Variants in CPQ observed in about 807,000 individuals in gnomAD.
CPQ encodes carboxypeptidase Q, also known as Ser-Met dipeptidase.
In CPQ, 37 loss-of-function variants were observed where a neutral mutation model predicts 45.7. The observed-to-expected ratio is 0.81, with a 90% CI of 0.62 to 1.07. CPQ has a LOEUF of 1.07. Ranked by LOEUF, CPQ falls within the 50% of genes least tolerant of loss-of-function variation. CPQ has a pLI of 0.00. For synonymous variants in CPQ, 186 were observed against 205.8 expected (o/e 0.90, Z 0.82); for missense variants, 537 against 572.9 (o/e 0.94, Z 0.64).
intron 2 of CPQ, among the ~76,000 whole-genome samples, chr8:96,825,007 C>T (rs2130840675): frequency 6.6e-6 from 1 of 152,074 alleles, no homozygotes; most frequent in South Asian, 2.1e-4. Flanking sequence ...TTATTTGGTA[C>T]CCAGGATCCA....
chr8:96,907,943 A>T (rs1240511246), intron 4 of CPQ, among the ~76,000 whole-genome samples: 1 of 152,128 alleles, frequency 6.6e-6, no homozygotes, highest in Non-Finnish European at 1.5e-5. Context: ...GACTTTTGTC[A>T]TATAATTGGA....
chr8:97,083,526 T>C (rs1431597973), intron 7 of CPQ, among the ~76,000 whole-genome samples: 2 of 152,186 alleles, frequency 1.3e-5, no homozygotes, highest in Non-Finnish European at 2.9e-5. Context: ...TGTAACATGG[T>C]ACAACACTGC....
intron 3 of CPQ, among the ~76,000 whole-genome samples, chr8:96,862,284 TTG>T (rs34611818): frequency 0.41 from 57,857 of 140,800 alleles, 11,385 homozygotes; most frequent in Admixed American, 0.46. Context: ...ATTTTTGCAT[TTG>T]TGTGTGTGTG....
At chr8:96,672,231 C>G (rs924785839) in intron 1 of CPQ, among the ~76,000 whole-genome samples, 1 of 152,094 alleles carries the variant, frequency 6.6e-6, no homozygotes, top group Non-Finnish European at 1.5e-5. Flanking sequence ...CCCATTGTAC[C>G]ACTCCAAAAC....
intron 7 of CPQ, among the ~76,000 whole-genome samples, chr8:97,085,674 A>G (rs1811029386): frequency 6.6e-6 from 1 of 152,186 alleles, no homozygotes; most frequent in Non-Finnish European, 1.5e-5. Flanking sequence ...CATTTAAAAG[A>G]TAGGTACTGC....
intron 2 of CPQ, among the ~76,000 whole-genome samples, chr8:96,786,543 A>G (rs1810771041): frequency 6.6e-6 from 1 of 152,184 alleles, no homozygotes; most frequent in African/African-American, 2.4e-5. Context: ...GGCATATACC[A>G]AGAAGTAGAA....
chr8:96,833,974 T>C (rs1467764077), intron 2 of CPQ, among the ~76,000 whole-genome samples: 2 of 152,226 alleles, frequency 1.3e-5, no homozygotes, highest in Admixed American at 6.5e-5. Flanking sequence ...TATGGAAATA[T>C]ATGTTGATAC....
At chr8:96,961,715 A>G (rs970066090) in intron 4 of CPQ, among the ~76,000 whole-genome samples, 2 of 152,226 alleles carry the variant, frequency 1.3e-5, no homozygotes, top group Non-Finnish European at 2.9e-5. Context: ...AATTAAGGCT[A>G]GAATATTTGC....
intron 7 of CPQ, among the ~76,000 whole-genome samples, chr8:97,100,852 T>C (rs1181894244): frequency 6.6e-6 from 1 of 152,158 alleles, no homozygotes; most frequent in African/African-American, 2.4e-5. Flanking sequence ...AATCTAGTGA[T>C]TGATTGTTTA....
intron 1 of CPQ, among the ~76,000 whole-genome samples, chr8:96,645,657 T>C (rs1281756819): frequency 6.7e-6 from 1 of 150,336 alleles, no homozygotes; most frequent in Non-Finnish European, 1.5e-5. Context: ...GACGTGGGGG[T>C]GGTGGAGGGT....
intron 6 of CPQ, among the ~76,000 whole-genome samples, chr8:97,054,626 G>A (rs1360360661): frequency 6.6e-6 from 1 of 152,154 alleles, no homozygotes; most frequent in East Asian, 1.9e-4. Flanking sequence ...GCAGCAACTT[G>A]GATGGAACTG....
At chr8:97,082,178 T>G (rs951331290) in intron 7 of CPQ, among the ~76,000 whole-genome samples, 1 of 152,102 alleles carries the variant, frequency 6.6e-6, no homozygotes, top group African/African-American at 2.4e-5. Flanking sequence ...AGGACACATA[T>G]TCTCTCTCTC....
At chr8:97,019,140 A>G (rs1809631361) in intron 5 of CPQ, among the ~76,000 whole-genome samples, 1 of 152,218 alleles carries the variant, frequency 6.6e-6, no homozygotes, top group South Asian at 2.1e-4. Flanking sequence ...AGCTTCATAA[A>G]TGAAAGAAAG....
At chr8:96,905,014 C>T (rs1812557846) in intron 4 of CPQ, among the ~76,000 whole-genome samples, 1 of 152,066 alleles carries the variant, frequency 6.6e-6, no homozygotes, top group African/African-American at 2.4e-5. Flanking sequence ...TTTCACTCTG[C>T]TATAAAGAAC....
intron 1 of CPQ, among the ~76,000 whole-genome samples, chr8:96,702,514 GTTTATTTT>G (rs1809477248): frequency 2.0e-5 from 3 of 152,262 alleles, no homozygotes; most frequent in African/African-American, 7.2e-5. Flanking sequence ...ATGTTTATTT[GTTTATTTT>G]GATAGCTAAC....
chr8:96,711,847 A>G (rs1461603883), intron 1 of CPQ, among the ~76,000 whole-genome samples: 1 of 152,106 alleles, frequency 6.6e-6, no homozygotes, highest in African/African-American at 2.4e-5. Context: ...AAACACAATC[A>G]TGCCATCCTA....
chr8:96,785,158 C>T lies in CPQ; in HGVS notation c.261C>T (p.Ala87=). 6.2e-7 allele frequency: 1 copy of T among 1,613,600 alleles called. No homozygotes were observed. Among genetic ancestry groups the T allele is most frequent in the Non-Finnish European group, 8.5e-7 (1 of 1,179,800 alleles). ...GTGGCTCCAAGAACCTAGAAAAAGC[C>T]ATCCAAATTATGTACCAAAACCTGC... ...RLSGSKNLEK[A]IQIMYQNLQQ... is the part of the protein sequence containing the mutation. Residue 87 remains alanine, a synonymous_variant, in exon 2 of 8, where the codon GCC becomes GCT. Transcript: ENST00000220763.
intron 2 of CPQ, among the ~76,000 whole-genome samples, chr8:96,804,308 T>C (rs1273598790): frequency 6.6e-6 from 1 of 152,130 alleles, no homozygotes; most frequent in African/African-American, 2.4e-5. Flanking sequence ...ACAGAAATTA[T>C]TTTTAGAGTG....
intron 1 of CPQ, among the ~76,000 whole-genome samples, chr8:96,720,584 G>A (rs749855462): frequency 1.3e-5 from 2 of 152,142 alleles, no homozygotes; most frequent in African/African-American, 2.4e-5. Flanking sequence ...ATCTTGTCAA[G>A]ACTTAGTTCT....
Sources: allele counts gnomAD v4.1 joint callset (sites outside exome capture counted in the v4.1 genomes callset), GRCh38; gene constraint gnomAD v4.1.1; transcripts MANE v1.5; gene names NCBI Gene and HGNC (gene_info 2026-07-23, HGNC 2026-07-21).